Variants in PCDHA6 observed in about 807,000 individuals in gnomAD.
PCDHA6 encodes the protein protocadherin alpha-6.
A neutral mutation model predicts 60.3 loss-of-function variants in PCDHA6; 55 were observed. The observed-to-expected ratio is 0.91, with a 90% CI of 0.73 to 1.14. The LOEUF is 1.14. Among genes scored for constraint, PCDHA6 ranks in the 50% most tolerant of loss-of-function variants. PCDHA6 has a pLI of 0.00. For synonymous variants in PCDHA6, 652 were observed against 557.9 expected, an observed-to-expected ratio of 1.17 and a Z score of -2.38; for missense variants, 1,327 against 1,256.5, an observed-to-expected ratio of 1.06 and a Z score of -0.85.
intron 3 of PCDHA6, among the ~76,000 whole-genome samples, chr5:141,005,934 G>A (rs556608068): frequency 3.4e-4 from 52 of 151,912 alleles, no homozygotes; most frequent in Non-Finnish European, 7.2e-4. Context: ...TTGACAGAGT[G>A]AGAACCTATC....
chr5:140,875,133 A>G (rs1269514593), intron 1 of PCDHA6, among the ~76,000 whole-genome samples: 1 of 152,228 alleles, frequency 6.6e-6, no homozygotes, highest in Non-Finnish European at 1.5e-5. Context: ...CTAAACCCGC[A>G]TTTATAAATG....
At chr5:140,870,389 G>A (rs1262225558) in intron 1 of PCDHA6, 1 of 1,614,132 alleles carries the variant, frequency 6.2e-7, no homozygotes, top group Non-Finnish European at 8.5e-7. Context: ...GCGCGGGATG[G>A]GGGTTCGCCT....
intron 1 of PCDHA6, among the ~76,000 whole-genome samples, chr5:140,905,257 C>T (rs920530176): frequency 6.6e-6 from 1 of 152,168 alleles, no homozygotes; most frequent in African/African-American, 2.4e-5. Context: ...CCACATGAGG[C>T]TTGGCAGTTA....
chr5:140,853,842 C>T lies in PCDHA6; in HGVS notation c.2394+23357C>T. On this transcript the variant is annotated intron_variant, in intron 1 of 3. Coordinates refer to ENST00000529310, the MANE Select transcript of PCDHA6 (RefSeq NM_018909.4). ...TTCTCATACAACCGAAATTTTAGATCCATAGCCCTATTTGATACTTGACAG... is the reference window on the plus strand; with the variant it reads ...TTCTCATACAACCGAAATTTTAGATTCATAGCCCTATTTGATACTTGACAG... 7.1e-6 allele frequency: 7 copies of T among 986,448 alleles called. 1 individual carries two copies. The highest frequency in any genetic ancestry group is 8.6e-6 in the Non-Finnish European group (7 of 818,538). The allele number at this position is 986,448 out of a possible 1,614,324, so 61.1% of individuals were successfully genotyped here. A position where few individuals can be genotyped will look rare whatever the true frequency, so the allele number is the denominator to read the frequency against.
At chr5:140,920,135 C>T (rs1206026315) in intron 1 of PCDHA6, among the ~76,000 whole-genome samples, 2 of 152,164 alleles carry the variant, frequency 1.3e-5, no homozygotes, top group Non-Finnish European at 2.9e-5. Flanking sequence ...TTTTAATTCT[C>T]CTCTCCAAAC....
chr5:140,870,949 G>A (rs1554164920), intron 1 of PCDHA6: 2 of 1,613,686 alleles, frequency 1.2e-6, no homozygotes, highest in East Asian at 2.2e-5. Context: ...GGCGGCGGGC[G>A]GCTCGCGCAT....
intron 1 of PCDHA6, chr5:140,876,955 G>A: frequency 6.2e-7 from 1 of 1,613,390 alleles, no homozygotes; most frequent in Non-Finnish European, 8.5e-7. Context: ...CTACTCGCTG[G>A]TGGAGCGGCG....
intron 1 of PCDHA6, among the ~76,000 whole-genome samples, chr5:140,919,231 CT>C (rs2079047316): frequency 6.6e-6 from 1 of 152,160 alleles, no homozygotes; most frequent in African/African-American, 2.4e-5. Context: ...TCTAGTAACA[CT>C]TTTTGTCTTG....
At chr5:140,917,047 G>A (rs183820401) in intron 1 of PCDHA6, among the ~76,000 whole-genome samples, 11 of 152,262 alleles carry the variant, frequency 7.2e-5, no homozygotes, top group Admixed American at 5.2e-4. Context: ...GCACAGTGTT[G>A]TTCCCTGCTA....
chr5:141,004,045 G>T (rs1588047334), intron 3 of PCDHA6, among the ~76,000 whole-genome samples: 1 of 152,222 alleles, frequency 6.6e-6, no homozygotes, highest in East Asian at 1.9e-4. Flanking sequence ...TTGATCATTT[G>T]CTGATACTGG....
chr5:140,926,420 T>G, intron 1 of PCDHA6: 1 of 152,792 alleles, frequency 6.5e-6, no homozygotes, highest in Non-Finnish European at 1.5e-5. Context: ...GGGCAGAGGA[T>G]GTGGAGGTTA....
intron 1 of PCDHA6, among the ~76,000 whole-genome samples, chr5:140,899,610 A>G (rs2067438350): frequency 6.6e-6 from 1 of 152,164 alleles, no homozygotes; most frequent in Admixed American, 6.5e-5. Flanking sequence ...TTTTGCATCA[A>G]TGTTCATCAA....
At chr5:140,994,248 G>A (rs188394827) in intron 3 of PCDHA6, among the ~76,000 whole-genome samples, 1 of 152,238 alleles carries the variant, frequency 6.6e-6, no homozygotes, top group East Asian at 1.9e-4. Flanking sequence ...TCAAACCCTA[G>A]GTAAATAAGG....
Position 141,009,922 on chromosome 5 carries a change from C to G in PCDHA6, c.2838C>G (p.Asp946Glu), listed in dbSNP as rs1554262572. 6.2e-7 allele frequency: 1 copy of G among 1,608,774 alleles called. No individual in the cohort carries two copies. Among genetic ancestry groups the G allele is most frequent in the South Asian group, 1.1e-5 (1 of 90,050 alleles). The change falls in exon 4 of 4, where the codon GAC becomes GAG. Residue 946 changes from aspartate to glutamate, a missense_variant. Coordinates refer to ENST00000529310, the MANE Select transcript of PCDHA6 (RefSeq NM_018909.4). ...AAGAGAAAGGGAACAGCACGACTGACAACAGTGACCAGTGAGGTCCTCAAA... is the reference window on the plus strand; with the variant it reads ...AAGAGAAAGGGAACAGCACGACTGAGAACAGTGACCAGTGAGGTCCTCAAA... ...EKKEKGNSTT[D>E]NSDQ
At chr5:140,969,436 A>G (rs1289383219) in intron 1 of PCDHA6, 2 of 1,549,954 alleles carry the variant, frequency 1.3e-6, no homozygotes, top group Non-Finnish European at 1.7e-6. Flanking sequence ...GACAAGAGTT[A>G]TCTGGTAAAC....
intron 1 of PCDHA6, chr5:140,869,704 G>C: frequency 6.2e-7 from 1 of 1,613,400 alleles, no homozygotes; most frequent in Non-Finnish European, 8.5e-7. Flanking sequence ...GAAGTCTCTG[G>C]ATAGAGAGAA....
Position 140,856,227 on chromosome 5 carries a change from A to C in PCDHA6, c.2394+25742A>C, listed in dbSNP as rs149352769. 4,605 of 1,597,986 alleles carry C rather than the reference A, an allele frequency of 2.9e-3. 355 individuals carry two copies. The highest frequency in any genetic ancestry group is 0.01 in the Middle Eastern group (60 of 5,808). ...GGGCTGGAGCTGGCGGAGCTGGTGC[A>C]GCGCCTGTTCCGGGTGGCGTCCAAA... On this transcript the variant is annotated intron_variant, in intron 1 of 3. Transcript: ENST00000529310.
chr5:140,852,885 A>ATT, intron 1 of PCDHA6: 58 of 777,210 alleles, frequency 7.5e-5, no homozygotes, highest in Non-Finnish European at 8.7e-5. Flanking sequence ...CATAAAACGT[A>ATT]TTTTTTTTTT....
rs188796483 is a variant in PCDHA6 at position 140,869,402 on chromosome 5, C to T, written c.2394+38917C>T. On this transcript the variant is annotated intron_variant, in intron 1 of 3. Transcript: ENST00000529310. The stretch of plus-strand genomic sequence containing the variant: ...CGCGAGGAGCTGTGCGGGCAGAGCG[C>T]GGAGTGCAGCATCCACCTGGAGGTG... 9.6e-4 allele frequency: 1,554 copies of T among 1,614,178 alleles called. 9 individuals are homozygous for T. The highest frequency in any genetic ancestry group is 2.2e-4 in the Non-Finnish European group (262 of 1,180,040).
Sources: gnomAD v4.1 joint callset for allele counts (sites outside exome capture counted in the v4.1 genomes callset) on GRCh38, gnomAD v4.1.1 for gene constraint, MANE v1.5 for transcripts, NCBI Gene and HGNC (gene_info 2026-07-23, HGNC 2026-07-21) for gene names.